PPP2R2B: variants seen among roughly 807,000 people sequenced by gnomAD.
The protein encoded by PPP2R2B is protein phosphatase 2 regulatory subunit Bbeta.
Under a neutral mutation model 46.0 loss-of-function variants are expected in PPP2R2B, and 5 were observed. The observed-to-expected ratio is 0.11, with a 90% confidence interval of 0.06 to 0.23. PPP2R2B has a LOEUF of 0.23. PPP2R2B is among the 10% of genes least tolerant of loss of function. The probability of loss-of-function intolerance (pLI) is 1.00; values close to 1 mark genes in which losing one functional copy is unlikely to be tolerated. For missense variants in PPP2R2B, 367 were observed against 575.0 expected (o/e 0.64, Z 3.70); for synonymous variants, 215 against 206.7 (o/e 1.04, Z -0.34).
In PPP2R2B at chr5:146,878,724, C is replaced by G. The variant is rs1223377488; in HGVS notation, c.-258G>C. 9.3e-6 allele frequency: 7 copies of G among 750,398 alleles called. No individual in the cohort carries two copies. The highest frequency in any genetic ancestry group is 1.2e-5 in the Non-Finnish European group (7 of 602,022). The allele number at this position is 750,398 out of a possible 1,614,324, so 46.5% of individuals were successfully genotyped here. On this transcript the variant is annotated 5_prime_UTR_variant, in exon 1 of 10. Coordinates refer to ENST00000394411, the MANE Select transcript of PPP2R2B (RefSeq NM_181675.4). This position sits in a 1 kb window ranked among gnomAD's most constrained non-coding sequence, Gnocchi z 4.5. ...ACCCTCACACCCACACGCGCGCACTCGCAGCTGCTGCTGCTGCTGCTGCTG... is the reference window on the plus strand; with the variant it reads ...ACCCTCACACCCACACGCGCGCACTGGCAGCTGCTGCTGCTGCTGCTGCTG...
intron 1 of PPP2R2B, among the ~76,000 whole-genome samples, chr5:146,963,778 G>T (rs962869789): frequency 1.3e-5 from 2 of 152,080 alleles, no homozygotes; most frequent in Non-Finnish European, 2.9e-5. Context: ...ATCCATATTG[G>T]TCTGACTTCT....
chr5:146,622,752 C>T (rs988173310), intron 7 of PPP2R2B, among the ~76,000 whole-genome samples: 17 of 152,140 alleles, frequency 1.1e-4, no homozygotes, highest in Admixed American at 6.5e-5. Context: ...TTCTATAGAG[C>T]AAGGTTCCCA....
At chr5:146,797,153 A>C (rs1756589412) in intron 2 of PPP2R2B, among the ~76,000 whole-genome samples, 1 of 152,188 alleles carries the variant, frequency 6.6e-6, no homozygotes, top group South Asian at 2.1e-4. Flanking sequence ...GGGCTCTTAC[A>C]TACCCCTTTT....
At chr5:147,032,721 A>G (rs1454634565) in intron 1 of PPP2R2B, among the ~76,000 whole-genome samples, 1 of 152,194 alleles carries the variant, frequency 6.6e-6, no homozygotes, top group Non-Finnish European at 1.5e-5. Context: ...ATTCCATCTT[A>G]TGTATATATA....
chr5:146,727,725 G>A (rs1180371975), intron 2 of PPP2R2B, among the ~76,000 whole-genome samples: 1 of 152,034 alleles, frequency 6.6e-6, no homozygotes, highest in Non-Finnish European at 1.5e-5. Flanking sequence ...TATTCTTTTA[G>A]CAATGTTGAG....
intron 7 of PPP2R2B, among the ~76,000 whole-genome samples, chr5:146,637,720 G>A (rs1438570640): frequency 6.6e-6 from 1 of 152,150 alleles, no homozygotes; most frequent in East Asian, 1.9e-4. Context: ...GAAGCCACCA[G>A]CTCCTTCCCC....
At chr5:147,005,241 C>A (rs752858793) in intron 1 of PPP2R2B, among the ~76,000 whole-genome samples, 63 of 152,100 alleles carry the variant, frequency 4.1e-4, no homozygotes, top group Non-Finnish European at 6.8e-4. Flanking sequence ...AACCTATATA[C>A]CGGTGGAAGT....
At chr5:147,040,951 T>G (rs1756264946) in intron 1 of PPP2R2B, 3 of 362,074 alleles carry the variant, frequency 8.3e-6, no homozygotes, top group Non-Finnish European at 1.6e-5. Flanking sequence ...TTCTTTATAG[T>G]GTATCCTTGA....
chr5:146,683,068 G>A (rs1778279607), intron 5 of PPP2R2B, among the ~76,000 whole-genome samples: 1 of 152,080 alleles, frequency 6.6e-6, no homozygotes, highest in Non-Finnish European at 1.5e-5. Context: ...TGGGTGTCTT[G>A]GCCACACTCC....
At chr5:146,793,083 A>C (rs1026450562) in intron 2 of PPP2R2B, among the ~76,000 whole-genome samples, 1 of 152,220 alleles carries the variant, frequency 6.6e-6, no homozygotes, top group African/African-American at 2.4e-5. Flanking sequence ...GGAAGTGATG[A>C]AAAAAGATTA....
At chr5:146,624,801 A>G (rs1268686099) in intron 7 of PPP2R2B, among the ~76,000 whole-genome samples, 2 of 152,166 alleles carry the variant, frequency 1.3e-5, no homozygotes, top group Non-Finnish European at 2.9e-5. Flanking sequence ...CCCTGTATGT[A>G]GCTCTTCCTG....
At chr5:146,630,818 G>T (rs1378250630) in intron 7 of PPP2R2B, among the ~76,000 whole-genome samples, 10 of 152,174 alleles carry the variant, frequency 6.6e-5, no homozygotes, top group Admixed American at 4.6e-4. Context: ...TATACTATGT[G>T]CCAGGCATCA....
At chr5:146,971,693 C>T (rs541300150) in intron 1 of PPP2R2B, among the ~76,000 whole-genome samples, 13 of 152,260 alleles carry the variant, frequency 8.5e-5, no homozygotes, top group African/African-American at 3.1e-4. Flanking sequence ...CCAATTTATA[C>T]TTCTTCCAAA....
chr5:146,988,903 G>A (rs1395299798), intron 1 of PPP2R2B, among the ~76,000 whole-genome samples: 2 of 151,666 alleles, frequency 1.3e-5, no homozygotes, highest in Non-Finnish European at 3.0e-5. Flanking sequence ...AATAAAAACA[G>A]AAATGAAAAA....
At chr5:146,736,875 A>T (rs1181106928) in intron 2 of PPP2R2B, among the ~76,000 whole-genome samples, 1 of 152,120 alleles carries the variant, frequency 6.6e-6, no homozygotes, top group Non-Finnish European at 1.5e-5. Flanking sequence ...TATAACATAC[A>T]TTTACTCTCT....
intron 1 of PPP2R2B, among the ~76,000 whole-genome samples, chr5:146,886,643 C>T (rs1762338187): frequency 1.3e-5 from 2 of 151,856 alleles, no homozygotes; most frequent in Admixed American, 6.6e-5. Context: ...TTCAAAAAAT[C>T]ATAAACCAGA....
chr5:146,781,264 A>T (rs1755513533), intron 2 of PPP2R2B, among the ~76,000 whole-genome samples: 3 of 149,146 alleles, frequency 2.0e-5, no homozygotes, highest in Non-Finnish European at 1.5e-5. Flanking sequence ...TAGTGTGAGT[A>T]TATCAACCCA....
rs573906636 is a variant in PPP2R2B at position 147,041,822 on chromosome 5, AT to A, written c.79+13842del. On this transcript the variant is annotated intron_variant, in intron 1 of 8. Coordinates refer to the PPP2R2B transcript ENST00000336640. ...ACACCTCAGTGACAAAGCTTTGTTGATGACAGTGTAATGCCCAACCTTGTTT... is the reference window on the plus strand; with the variant it reads ...ACACCTCAGTGACAAAGCTTTGTTGAGACAGTGTAATGCCCAACCTTGTTT... Among the ~76,000 whole-genome samples the A allele has an allele frequency of 6.5e-3, 986 of 152,186 alleles. 11 individuals carry two copies. Among genetic ancestry groups the A allele is most frequent in the African/African-American group, 0.023 (942 of 41,506 alleles).
chr5:147,029,744 G>A (rs989287567), intron 1 of PPP2R2B, among the ~76,000 whole-genome samples: 2 of 152,134 alleles, frequency 1.3e-5, no homozygotes, highest in Non-Finnish European at 2.9e-5. Flanking sequence ...GAGTGGGCAC[G>A]CATAAAGGAA....
Sources: allele counts gnomAD v4.1 joint callset (sites outside exome capture counted in the v4.1 genomes callset), GRCh38; gene constraint gnomAD v4.1.1; non-coding constraint Gnocchi (gnomAD v3.1); transcripts MANE v1.5; gene names NCBI Gene and HGNC (gene_info 2026-07-23, HGNC 2026-07-21).